The following EPB41L3 variants were observed in gnomAD, a reference collection of about 807,000 sequenced individuals.
The protein encoded by EPB41L3 is band 4.1-like protein 3.
EPB41L3 carries 57 observed loss-of-function variants against 127.1 expected under a neutral mutation model. The observed-to-expected ratio is 0.45, with a 90% CI of 0.36 to 0.56. The LOEUF is 0.56. EPB41L3 is among the 20% of genes least tolerant of loss of function. The pLI is 0.00. For missense variants in EPB41L3, 1,273 were observed against 1,372.2 expected, an observed-to-expected ratio of 0.93 and a Z score of 1.14; for synonymous variants, 572 against 549.5, an observed-to-expected ratio of 1.04 and a Z score of -0.57.
chr18:5,474,214 GAGTC>G (rs1599451543), intron 3 of EPB41L3, among the ~76,000 whole-genome samples: 2 of 151,302 alleles, frequency 1.3e-5, no homozygotes, highest in East Asian at 3.9e-4. Flanking sequence ...CTGGGCAACA[GAGTC>G]AGACTCTGTC....
chr18:5,548,116 G>A (rs1233158561), upstream of EPB41L3, among the ~76,000 whole-genome samples: 1 of 152,184 alleles, frequency 6.6e-6, no homozygotes, highest in Admixed American at 6.5e-5. Context: ...TCAGAATAAT[G>A]TCAGGCACCT....
Position 5,428,014 on chromosome 18 carries a change from CA to C in EPB41L3, c.1065+298del, listed in dbSNP as rs563205644. Among the ~76,000 whole-genome samples the C allele has an allele frequency of 7.3e-3, 1,115 of 152,270 alleles. 20 individuals carry two copies. Among genetic ancestry groups the C allele is most frequent in the African/African-American group, 0.025 (1,025 of 41,536 alleles). On this transcript the variant is annotated intron_variant, in intron 9 of 22. Transcript: ENST00000341928. ...CGCCCCCACCCCGCCCCCGGCCTCCCAAAGTGCTGGGATTATAGGCGTGAGC... is the reference window on the plus strand; with the variant it reads ...CGCCCCCACCCCGCCCCCGGCCTCCCAAGTGCTGGGATTATAGGCGTGAGC...
chr18:5,449,235 CCAAAT>C (rs2146511147), intron 3 of EPB41L3, among the ~76,000 whole-genome samples: 1 of 151,614 alleles, frequency 6.6e-6, no homozygotes. Flanking sequence ...AAAAGATGTT[CCAAAT>C]CAAACATCAT....
chr18:5,491,336 A>T (rs1158732323), intron 1 of EPB41L3, among the ~76,000 whole-genome samples: 1 of 152,190 alleles, frequency 6.6e-6, no homozygotes, highest in African/African-American at 2.4e-5. Flanking sequence ...GGCAGAAATC[A>T]ACAACTTTAG....
chr18:5,487,643 C>G (rs1201899957), intron 2 of EPB41L3, among the ~76,000 whole-genome samples: 1 of 151,402 alleles, frequency 6.6e-6, no homozygotes, highest in Non-Finnish European at 1.5e-5. Flanking sequence ...AGACGTGCAC[C>G]ACCACACTCA....
At position 5,543,933 on chromosome 18, in the gene EPB41L3, G is replaced by A; in HGVS notation, c.-32C>T. On this transcript the variant is annotated 5_prime_UTR_variant, in exon 1 of 23. Transcript: ENST00000341928. The surrounding 1 kb of genome is among the most constrained non-coding windows in gnomAD (Gnocchi z 5.2). ...GTTACCTGGGATCAGCAGGGAGCCC[G>A]GGCGCGCCGCGGCGTGGGGACTAGG... The A allele has an allele frequency of 8.1e-6, 8 of 984,528 alleles. No homozygotes were observed. Among genetic ancestry groups the A allele is most frequent in the Non-Finnish European group, 9.6e-6 (8 of 829,706 alleles). The allele number at this position is 984,528 out of a possible 1,614,324, so 61.0% of individuals were successfully genotyped here.
intron 1 of EPB41L3, among the ~76,000 whole-genome samples, chr18:5,499,609 A>T (rs978197235): frequency 2.0e-4 from 30 of 151,796 alleles, no homozygotes; most frequent in African/African-American, 7.3e-4. Context: ...CAAAAAAAAT[A>T]CAAAAAAATT....
At chr18:5,605,562 T>C (rs1202910220) in intron 3 of EPB41L3, among the ~76,000 whole-genome samples, 1 of 151,990 alleles carries the variant, frequency 6.6e-6, no homozygotes, top group Non-Finnish European at 1.5e-5. Context: ...TTTTATTTTA[T>C]TTTTAGTAGT....
rs2076781058 is a variant in EPB41L3, at chr18:5,416,122, AAGG to A, written c.1760_1762del (p.Ser587del). The A allele has an allele frequency of 6.2e-7, 1 of 1,612,850 alleles. No homozygotes were observed. The highest frequency in any genetic ancestry group is 8.5e-7 in the Non-Finnish European group (1 of 1,179,302). Reference sequence around the variant, plus strand: ...GAATGACTCAGGGAGCTGCAAGGAGAAGGAGAACAGGGTGGTCCCCTTGCCAGT... The same window carrying A: ...GAATGACTCAGGGAGCTGCAAGGAGAAGAACAGGGTGGTCCCCTTGCCAGT... On this transcript the variant is annotated inframe_deletion, in exon 13 of 23. Transcript: ENST00000341928.
intron 3 of EPB41L3, among the ~76,000 whole-genome samples, chr18:5,580,888 G>T (rs761423301): frequency 6.6e-6 from 1 of 152,072 alleles, no homozygotes; most frequent in Non-Finnish European, 1.5e-5. Flanking sequence ...TCCATTCTGG[G>T]GCTGCTACTC....
chr18:5,406,825 G>A lies in EPB41L3; in HGVS notation c.2301C>T (p.Ala767=), dbSNP rs774095567. The A allele has an allele frequency of 9.9e-6, 16 of 1,614,052 alleles. No individual in the cohort carries two copies. The highest frequency in any genetic ancestry group is 4.4e-5 in the South Asian group (4 of 91,088). The change falls in exon 16 of 23, where the codon GCC becomes GCT. Residue 767 remains alanine (A), a synonymous_variant. Coordinates refer to ENST00000341928, the MANE Select transcript of EPB41L3 (RefSeq NM_012307.5). ...KRLSTSPVRL[A]ARQEDAPMIE... ...TCATGGGGGCATCCTCCTGCCTGGC[G>A]GCCAGTCGCACGGGGGAGGTGGAAA...
intron 5 of EPB41L3, among the ~76,000 whole-genome samples, chr18:5,438,785 C>T (rs12606611): frequency 0.021 from 3,200 of 152,230 alleles, 113 homozygotes; most frequent in East Asian, 0.17. Context: ...TTATGCTTTG[C>T]AATCTTTATC....
chr18:5,395,678 G>T lies in EPB41L3; in HGVS notation c.3003C>A (p.Gly1001=), dbSNP rs149824211. The change falls in exon 20 of 23, where the codon GGC becomes GGA. Residue 1001 remains glycine (G), a synonymous_variant. Coordinates refer to ENST00000341928, the MANE Select transcript of EPB41L3 (RefSeq NM_012307.5). ...QVDPGTDLEP[G]VLMSAQTITS... ...TGATCGTCTGTGCACTCATCAGCAC[G>T]CCTGGCTCCAGATCTGTGCCTGGAT... 2.2e-4 allele frequency: 352 copies of T among 1,614,128 alleles called. 6 individuals are homozygous for T. In the East Asian group the frequency reaches 7.7e-3, roughly 35 times the overall value.
chr18:5,605,457 C>A (rs1568636472), intron 3 of EPB41L3, among the ~76,000 whole-genome samples: 1 of 152,142 alleles, frequency 6.6e-6, no homozygotes, highest in Non-Finnish European at 1.5e-5. Context: ...TGGCTCACTG[C>A]AGCCTAAATC....
In EPB41L3 at chr18:5,397,923, A is replaced by G. The variant is rs1345727689; in HGVS notation, c.2472+98T>C. 1 of 1,476,136 alleles carries G rather than the reference A, an allele frequency of 6.8e-7. No individual in the cohort carries two copies. Among genetic ancestry groups the G allele is most frequent in the Non-Finnish European group, 9.3e-7 (1 of 1,073,426 alleles). 91.4% of individuals were successfully genotyped at this position (1,476,136 alleles called of 1,614,324 possible). ...GACACCTTTGAGATGTTGAAGGCAAAGCCAGCTGGATGCAACCACACACTC... is the reference window on the plus strand; with the variant it reads ...GACACCTTTGAGATGTTGAAGGCAAGGCCAGCTGGATGCAACCACACACTC... On this transcript the variant is annotated intron_variant, in intron 17 of 22. Coordinates refer to ENST00000341928, the MANE Select transcript of EPB41L3 (RefSeq NM_012307.5). This position sits in a 1 kb window ranked among gnomAD's most constrained non-coding sequence, Gnocchi z 4.1.
At chr18:5,446,441 A>G (rs965622672) in intron 3 of EPB41L3, among the ~76,000 whole-genome samples, 3 of 152,246 alleles carry the variant, frequency 2.0e-5, no homozygotes, top group Non-Finnish European at 4.4e-5. Flanking sequence ...GTCTGTGACG[A>G]ATTAACTGAC....
At chr18:5,423,623 T>A in intron 10 of EPB41L3, 70 bp from the exon 11 acceptor site, 1 of 1,406,248 alleles carries the variant, frequency 7.1e-7, no homozygotes, top group Admixed American at 2.4e-5. Context: ...TTAAACTTTT[T>A]ACTCTGAGAG....
intron 13 of EPB41L3, 22 bp from the exon 14 acceptor site, chr18:5,410,641 A>G (rs1433504839): frequency 1.9e-6 from 3 of 1,607,564 alleles, no homozygotes; most frequent in South Asian, 1.1e-5. Flanking sequence ...AGAAGTGATC[A>G]GGTTCCAGGA....
At chr18:5,453,658 C>A (rs2146722769) in intron 3 of EPB41L3, among the ~76,000 whole-genome samples, 1 of 152,312 alleles carries the variant, frequency 6.6e-6, no homozygotes, top group East Asian at 1.9e-4. Context: ...CACCTATCTT[C>A]CTCAAATAGA....
Sources: gnomAD v4.1 joint callset for allele counts (sites outside exome capture counted in the v4.1 genomes callset) on GRCh38, gnomAD v4.1.1 for gene constraint, Gnocchi (gnomAD v3.1) non-coding constraint, MANE v1.5 for transcripts, NCBI Gene and HGNC (gene_info 2026-07-23, HGNC 2026-07-21) for gene names.